RILPL1: variants seen among roughly 807,000 people sequenced by gnomAD.
RILPL1 encodes the protein RILP-like protein 1.
A neutral mutation model predicts 50.3 loss-of-function variants in RILPL1; 33 were observed. The ratio of observed to expected loss-of-function variants is 0.66; its 90% CI spans 0.50 to 0.88. RILPL1 has a LOEUF of 0.88. Ranked by LOEUF, RILPL1 falls within the 40% of genes least tolerant of loss-of-function variation. The probability of loss-of-function intolerance (pLI) is 0.00; values close to 1 mark genes in which losing one functional copy is unlikely to be tolerated. For missense variants in RILPL1, 418 were observed against 542.5 expected (o/e 0.77, Z 2.28); for synonymous variants, 205 against 228.6 (o/e 0.90, Z 0.93).
intron 4 of RILPL1, among the ~76,000 whole-genome samples, chr12:123,494,436 T>C (rs753626210): frequency 1.4e-4 from 21 of 152,142 alleles, no homozygotes; most frequent in Non-Finnish European, 2.6e-4. Context: ...CCCTGCCCCA[T>C]TGGCTGCCAG....
chr12:123,517,006 T>C (rs1828443471), intron 2 of RILPL1, among the ~76,000 whole-genome samples: 1 of 152,056 alleles, frequency 6.6e-6, no homozygotes, highest in Non-Finnish European at 1.5e-5. Flanking sequence ...AGGAGGAGGT[T>C]GCAGTGAGCC....
intron 2 of RILPL1, among the ~76,000 whole-genome samples, chr12:123,510,354 G>C (rs1884012869): frequency 1.3e-5 from 2 of 152,212 alleles, no homozygotes; most frequent in African/African-American, 4.8e-5. Context: ...CCTTGGGCAT[G>C]TGGGGGGTGT....
chr12:123,526,170 G>A (rs1435369811), intron 1 of RILPL1, among the ~76,000 whole-genome samples: 1 of 152,044 alleles, frequency 6.6e-6, no homozygotes. Flanking sequence ...GCCGGGCATG[G>A]TGGTGGGCAC....
chr12:123,513,655 A>G (rs1884522946), intron 2 of RILPL1: 1 of 153,236 alleles, frequency 6.5e-6, no homozygotes, highest in African/African-American at 2.4e-5. Context: ...AAGTCATTTT[A>G]TCCTGATACG....
intron 1 of RILPL1, among the ~76,000 whole-genome samples, chr12:123,528,010 A>G (rs758164727): frequency 6.6e-6 from 1 of 152,180 alleles, no homozygotes; most frequent in Admixed American, 6.5e-5. Context: ...ATAATTACAC[A>G]TATGCCTCCA....
chr12:123,528,593 A>G (rs920645226), intron 1 of RILPL1, among the ~76,000 whole-genome samples: 25 of 151,524 alleles, frequency 1.6e-4, no homozygotes, highest in African/African-American at 5.8e-4. Context: ...ACGCCCGGCT[A>G]ATTTTTTGTA....
chr12:123,484,116 A>G (rs1013789417), intron 6 of RILPL1, 64 bp downstream of exon 6: 2 of 1,073,206 alleles, frequency 1.9e-6, no homozygotes, highest in Non-Finnish European at 2.8e-6. Context: ...CCAAGGAGGA[A>G]AAGTCAAAGG....
At chr12:123,526,428 C>T (rs1055849445) in intron 1 of RILPL1, among the ~76,000 whole-genome samples, 8 of 152,192 alleles carry the variant, frequency 5.3e-5, no homozygotes, top group East Asian at 1.9e-4. Flanking sequence ...CTGACCTTGG[C>T]GAGTTATTCA....
chr12:123,494,200 C>T (rs750127480), intron 4 of RILPL1, among the ~76,000 whole-genome samples: 5 of 152,148 alleles, frequency 3.3e-5, no homozygotes, highest in Non-Finnish European at 5.9e-5. Flanking sequence ...TGTCAGATGA[C>T]GAAATTGACC....
chr12:123,489,795 G>A lies in RILPL1; in HGVS notation c.802-3990C>T, dbSNP rs1882570545. On this transcript the variant is annotated intron_variant, in intron 4 of 6. Coordinates refer to ENST00000376874, the MANE Select transcript of RILPL1 (RefSeq NM_178314.5). The surrounding 1 kb of genome is among the most constrained non-coding windows in gnomAD (Gnocchi z 4.0). ...TATGTAGGAGTTCACCAGGAACTCT[G>A]GGCATTAGTAGTATAGATCAGAGGT... Among the ~76,000 whole-genome samples, 1 of 152,108 alleles carries A rather than the reference G, an allele frequency of 6.6e-6. No homozygotes were observed. Among genetic ancestry groups the A allele is most frequent in the Admixed American group, 6.6e-5 (1 of 15,260 alleles).
intron 2 of RILPL1, among the ~76,000 whole-genome samples, chr12:123,508,739 C>T (rs969342507): frequency 6.6e-6 from 1 of 152,090 alleles, no homozygotes; most frequent in Non-Finnish European, 1.5e-5. Flanking sequence ...CACAGTGGCT[C>T]GTGCCTGTAA....
intron 1 of RILPL1, among the ~76,000 whole-genome samples, chr12:123,524,834 G>T (rs1475465908): frequency 6.6e-6 from 1 of 152,126 alleles, no homozygotes; most frequent in African/African-American, 2.4e-5. Flanking sequence ...TGATGAAAAT[G>T]TTCTAAGATT....
chr12:123,503,185 C>CATTTTTTTTTTT (rs1566128944), intron 2 of RILPL1, among the ~76,000 whole-genome samples: 1 of 94,774 alleles, frequency 1.1e-5, no homozygotes, highest in Non-Finnish European at 2.2e-5. Context: ...CCACGCCTGG[C>CATTTTTTTTTTT]CTTTTTTTTT....
At position 123,533,426 on chromosome 12, in the gene RILPL1, C is replaced by T; in HGVS notation, c.57G>A (p.Val19=). ...ACACGTCCATGACGGTCAGCTCGGC[C>T]ACGTTCTTCTCCAGCGCCGACTCGG... ...LAAESALEKN[V]AELTVMDVYD... The change falls in exon 1 of 7, where the codon GTG becomes GTA. Residue 19 remains valine, a synonymous_variant. Coordinates refer to ENST00000376874, the MANE Select transcript of RILPL1 (RefSeq NM_178314.5). The surrounding 1 kb of genome is among the most constrained non-coding windows in gnomAD (Gnocchi z 6.2). 6.5e-7 allele frequency: 1 copy of T among 1,541,792 alleles called. No individual in the cohort carries two copies. The highest frequency in any genetic ancestry group is 1.2e-5 in the South Asian group (1 of 83,976).
At chr12:123,526,995 G>C (rs1885285603) in intron 1 of RILPL1, among the ~76,000 whole-genome samples, 1 of 152,126 alleles carries the variant, frequency 6.6e-6, no homozygotes, top group African/African-American at 2.4e-5. Context: ...CTGAGAATAT[G>C]TTACCTTACA....
intron 6 of RILPL1, among the ~76,000 whole-genome samples, chr12:123,480,490 CAA>C (rs2139311486): frequency 6.6e-6 from 1 of 152,118 alleles, no homozygotes; most frequent in Non-Finnish European, 1.5e-5. Flanking sequence ...GACCTGGGAA[CAA>C]ATGGCTGAAG....
intron 6 of RILPL1, among the ~76,000 whole-genome samples, chr12:123,481,714 G>A (rs771009393): frequency 1.3e-5 from 2 of 150,820 alleles, no homozygotes; most frequent in Non-Finnish European, 2.9e-5. Context: ...GTGCCACCAC[G>A]CCCGGCTGAT....
intron 2 of RILPL1, among the ~76,000 whole-genome samples, chr12:123,501,800 A>C (rs1436615842): frequency 6.6e-6 from 1 of 151,156 alleles, no homozygotes; most frequent in African/African-American, 2.4e-5. Context: ...AAACAACCCC[A>C]AAAAACAAAA....
intron 1 of RILPL1, among the ~76,000 whole-genome samples, chr12:123,525,421 T>C (rs1593607959): frequency 7.0e-6 from 1 of 142,398 alleles, no homozygotes; most frequent in East Asian, 2.3e-4. Context: ...TATTGCTGGC[T>C]GAGTGTGGTG....
Sources: allele counts gnomAD v4.1 joint callset (sites outside exome capture counted in the v4.1 genomes callset), GRCh38; gene constraint gnomAD v4.1.1; non-coding constraint Gnocchi (gnomAD v3.1); transcripts MANE v1.5; gene names NCBI Gene and HGNC (gene_info 2026-07-23, HGNC 2026-07-21).